DNAH9: variants seen among roughly 807,000 people sequenced by gnomAD.
DNAH9 encodes DNAH9 variant protein.
DNAH9 carries 345 observed loss-of-function variants against 471.6 expected under a neutral mutation model. The ratio of observed to expected loss-of-function variants is 0.73; its 90% CI spans 0.67 to 0.80. The LOEUF is 0.80. Among genes scored for constraint, DNAH9 ranks in the 30% least tolerant of loss-of-function variants. The pLI is 0.00. For missense variants in DNAH9, 5,407 were observed against 5,609.2 expected (o/e 0.96, Z 1.15); for synonymous variants, 2,093 against 2,123.6 (o/e 0.99, Z 0.40).
chr17:11,727,488 C>T (rs935529754), intron 27 of DNAH9, among the ~76,000 whole-genome samples: 5 of 152,010 alleles, frequency 3.3e-5, no homozygotes, highest in Non-Finnish European at 7.4e-5. Context: ...GGGTGGAAGG[C>T]TTTTTGTCTG....
chr17:11,823,314 G>A (rs971935035), intron 48 of DNAH9, among the ~76,000 whole-genome samples: 14 of 152,054 alleles, frequency 9.2e-5, no homozygotes, highest in African/African-American at 3.4e-4. Flanking sequence ...GAGTTCCCCA[G>A]CAGAAGTGCA....
chr17:11,640,734 A>G (rs1417719960), intron 10 of DNAH9, among the ~76,000 whole-genome samples: 1 of 152,130 alleles, frequency 6.6e-6, no homozygotes, highest in East Asian at 1.9e-4. Flanking sequence ...CTGGAAAGTA[A>G]TGAAGCCCAG....
chr17:11,764,051 G>T (rs190106360), intron 36 of DNAH9, among the ~76,000 whole-genome samples: 3 of 152,148 alleles, frequency 2.0e-5, no homozygotes, highest in Non-Finnish European at 4.4e-5. Context: ...TACCAGGCCA[G>T]AGTTAACTAT....
chr17:11,623,941 A>G lies in DNAH9; in HGVS notation c.1350+4160A>G, dbSNP rs17527760. Among the ~76,000 whole-genome samples, 37,541 of 151,304 alleles carry G rather than the reference A, an allele frequency of 0.25. 5,253 individuals are homozygous for G. Among genetic ancestry groups the G allele is most frequent in the Non-Finnish European group, 0.31 (21,127 of 67,822 alleles). ...CAAGAGAATTTTGTTGTGCACATCC[A>G]CTCTTCCTCTCTGGGTGCCTGCTAA... On this transcript the variant is annotated intron_variant, in intron 6 of 68. Coordinates refer to ENST00000262442, the MANE Select transcript of DNAH9 (RefSeq NM_001372.4). This position sits in a 1 kb window ranked among gnomAD's most constrained non-coding sequence, Gnocchi z 4.1.
Position 11,924,077 on chromosome 17 carries a change from C to A in DNAH9, c.11877+136C>A, listed in dbSNP as rs531036121. 1.2e-5 allele frequency: 15 copies of A among 1,304,314 alleles called. No individual in the cohort carries two copies. The South Asian group carries it at 2.2e-4, about 19-fold the overall frequency. The allele number at this position is 1,304,314 out of a possible 1,614,324, so 80.8% of individuals were successfully genotyped here. A position where few individuals can be genotyped will look rare whatever the true frequency, so the allele number is the denominator to read the frequency against. On this transcript the variant is annotated intron_variant, in intron 62 of 68. Transcript: ENST00000262442. The stretch of plus-strand genomic sequence containing the variant: ...CTTGTCCCCTTCATTTCTTCATCTT[C>A]TCTCTTTCCAGTTCTCCTCACTCAT...
At chr17:11,793,711 A>C in intron 42 of DNAH9, 47 bp downstream of exon 42, 1 of 1,383,330 alleles carries the variant, frequency 7.2e-7, no homozygotes, top group Non-Finnish European at 9.8e-7. Context: ...AAAAAAAAAG[A>C]TAATTATACA....
At position 11,898,989 on chromosome 17, in the gene DNAH9, T is replaced by C. The variant is rs541794508; in HGVS notation, c.11407-3730T>C. ...CAACTAGGGAAGCTTTATCTCTCTA[T>C]GTGAATTTGTTAGGAAGAGCAGCAA... On this transcript the variant is annotated intron_variant, in intron 59 of 68. Coordinates refer to ENST00000262442, the MANE Select transcript of DNAH9 (RefSeq NM_001372.4). 8.5e-5 allele frequency among the ~76,000 whole-genome samples: 13 copies of C among 152,288 alleles called. No individual in the cohort carries two copies. The South Asian group carries it at 2.3e-3, about 27-fold the overall frequency.
chr17:11,846,599 T>G (rs1426638235), intron 49 of DNAH9, among the ~76,000 whole-genome samples: 38 of 145,826 alleles, frequency 2.6e-4, no homozygotes, highest in Admixed American at 4.1e-4. Context: ...TTGGGCAGTA[T>G]GGCCATTTTC....
chr17:11,704,150 T>C, intron 24 of DNAH9, 53 bp from the exon 25 acceptor site: 6 of 1,605,092 alleles, frequency 3.7e-6, no homozygotes, highest in Non-Finnish European at 5.1e-6. Flanking sequence ...ATGAGTGGGT[T>C]GGTTGGAAAC....
At chr17:11,942,573 G>C in intron 67 of DNAH9, 88 bp downstream of exon 67, 1 of 1,382,298 alleles carries the variant, frequency 7.2e-7, no homozygotes, top group Non-Finnish European at 9.7e-7. Context: ...TGGGGGACCT[G>C]AAAGCTGGGG....
chr17:11,759,308 A>AT (rs1469123917), intron 35 of DNAH9, among the ~76,000 whole-genome samples: 1 of 151,716 alleles, frequency 6.6e-6, no homozygotes, highest in African/African-American at 2.4e-5. Context: ...TCTGGTGTTT[A>AT]TTATTTCACT....
intron 15 of DNAH9, 151 bp downstream of exon 15, chr17:11,665,119 T>C (rs960918493): frequency 5.8e-6 from 4 of 691,856 alleles, no homozygotes; most frequent in Non-Finnish European, 9.8e-6. Context: ...ACAGAAAAGG[T>C]ATCGAACTTC....
chr17:11,809,284 G>A (rs190099316), intron 44 of DNAH9, among the ~76,000 whole-genome samples: 8 of 152,238 alleles, frequency 5.3e-5, no homozygotes, highest in Non-Finnish European at 8.8e-5. Flanking sequence ...GAACACAAGA[G>A]GCTGGGCACA....
At position 11,934,140 on chromosome 17, in the gene DNAH9, C is replaced by T. The variant is rs545342221; in HGVS notation, c.12489+69C>T. ...AGGGCCCTGGGTATTCCTCCCACGC[C>T]GACCTGCACCACCAGGGAAGCCTCT... On this transcript the variant is annotated intron_variant, in intron 65 of 68. Coordinates refer to ENST00000262442, the MANE Select transcript of DNAH9 (RefSeq NM_001372.4). 270 of 1,501,968 alleles carry T rather than the reference C, an allele frequency of 1.8e-4. No homozygotes were observed. The East Asian group carries it at 5.5e-3, about 31-fold the overall frequency. 93.0% of individuals were successfully genotyped at this position (1,501,968 alleles called of 1,614,324 possible).
intron 41 of DNAH9, among the ~76,000 whole-genome samples, chr17:11,788,461 C>G (rs1968950636): frequency 6.6e-6 from 1 of 152,176 alleles, no homozygotes; most frequent in Non-Finnish European, 1.5e-5. Flanking sequence ...AGAAAGAAAA[C>G]ATTCTCAATA....
intron 3 of DNAH9, 147 bp downstream of exon 3, chr17:11,610,701 T>C (rs923498156): frequency 1.2e-5 from 8 of 686,576 alleles, no homozygotes; most frequent in South Asian, 1.0e-4. Context: ...CTCTGTGTCA[T>C]TGGGTCAAGA....
chr17:11,872,087 T>G (rs1459368291), intron 52 of DNAH9, among the ~76,000 whole-genome samples: 3 of 152,038 alleles, frequency 2.0e-5, no homozygotes, highest in Non-Finnish European at 2.9e-5. Flanking sequence ...ACCTGAGAGA[T>G]AGAAAAAGAA....
chr17:11,755,752 G>T (rs1967357873), intron 33 of DNAH9, among the ~76,000 whole-genome samples: 1 of 152,002 alleles, frequency 6.6e-6, no homozygotes, highest in Non-Finnish European at 1.5e-5. Flanking sequence ...GAGGATTATT[G>T]TAGAAAATTT....
At chr17:11,889,729 A>G (rs1972991471) in intron 57 of DNAH9, among the ~76,000 whole-genome samples, 1 of 152,248 alleles carries the variant, frequency 6.6e-6, no homozygotes, top group African/African-American at 2.4e-5. Flanking sequence ...AAAGTGAGTA[A>G]GGCCTGGGCC....
Sources: allele counts gnomAD v4.1 joint callset (sites outside exome capture counted in the v4.1 genomes callset), GRCh38; gene constraint gnomAD v4.1.1; non-coding constraint Gnocchi (gnomAD v3.1); transcripts MANE v1.5; gene names NCBI Gene and HGNC (gene_info 2026-07-23, HGNC 2026-07-21).